ST18: variants seen among roughly 807,000 people sequenced by gnomAD.
ST18 encodes the protein ST18 C2H2C-type zinc finger transcription factor, also known as suppression of tumorigenicity 18 protein.
In ST18, 50 loss-of-function variants were observed where a neutral mutation model predicts 110.0. The ratio of observed to expected loss-of-function variants is 0.45; its 90% CI spans 0.36 to 0.58. The LOEUF (loss-of-function observed/expected upper bound fraction) is 0.58. Among genes scored for constraint, ST18 ranks in the 20% least tolerant of loss-of-function variants. The pLI is 0.00. For missense variants in ST18, 1,306 were observed against 1,280.1 expected (o/e 1.02, Z -0.31); for synonymous variants, 461 against 452.4 (o/e 1.02, Z -0.24).
chr8:52,238,627 G>A (rs2093017250), intron 2 of ST18, among the ~76,000 whole-genome samples: 1 of 151,968 alleles, frequency 6.6e-6, no homozygotes, highest in African/African-American at 2.4e-5. Flanking sequence ...AGAAAATGTG[G>A]TATACACACA....
At chr8:52,178,740 A>G (rs2068113364) in intron 9 of ST18, among the ~76,000 whole-genome samples, 1 of 151,942 alleles carries the variant, frequency 6.6e-6, no homozygotes, top group African/African-American at 2.4e-5. Context: ...AACAAAAAAA[A>G]GTCAAGGGTG....
At chr8:52,121,016 G>A (rs938511205) in intron 23 of ST18, among the ~76,000 whole-genome samples, 1 of 152,182 alleles carries the variant, frequency 6.6e-6, no homozygotes, top group Non-Finnish European at 1.5e-5. Flanking sequence ...CTGTCTCTGT[G>A]ATGAGGCAGA....
At chr8:52,263,322 A>C (rs746776920) in intron 2 of ST18, among the ~76,000 whole-genome samples, 1 of 152,186 alleles carries the variant, frequency 6.6e-6, no homozygotes, top group Non-Finnish European at 1.5e-5. Flanking sequence ...AGCTACCTAC[A>C]TAATCCCAAA....
At chr8:52,140,554 T>C (rs923195916) in intron 17 of ST18, among the ~76,000 whole-genome samples, 7 of 93,806 alleles carry the variant, frequency 7.5e-5, no homozygotes, top group African/African-American at 1.2e-4. Context: ...AGATGATAGA[T>C]AGATAGATAG....
At chr8:52,278,488 A>G (rs1374656464) in intron 2 of ST18, among the ~76,000 whole-genome samples, 1 of 152,196 alleles carries the variant, frequency 6.6e-6, no homozygotes, top group Non-Finnish European at 1.5e-5. Context: ...TCACTCTGCA[A>G]AGAGAATGGA....
intron 10 of ST18, among the ~76,000 whole-genome samples, chr8:52,170,304 A>C (rs1156611028): frequency 1.3e-5 from 2 of 152,156 alleles, no homozygotes; most frequent in African/African-American, 4.8e-5. Flanking sequence ...GAAAATACAA[A>C]AATTAGCTGG....
chr8:52,266,201 A>G (rs768001422), intron 2 of ST18, among the ~76,000 whole-genome samples: 7 of 152,238 alleles, frequency 4.6e-5, no homozygotes, highest in Non-Finnish European at 1.0e-4. Flanking sequence ...TTTTAAGGAT[A>G]AAATGCAATG....
intron 2 of ST18, among the ~76,000 whole-genome samples, chr8:52,333,807 C>T (rs910606826): frequency 3.9e-5 from 6 of 152,156 alleles, no homozygotes; most frequent in African/African-American, 9.7e-5. Flanking sequence ...AACTGGGCCA[C>T]GCCAAATAGA....
chr8:52,318,799 C>T (rs77917528), intron 2 of ST18, among the ~76,000 whole-genome samples: 4,617 of 152,070 alleles, frequency 0.03, 119 homozygotes, highest in East Asian at 0.061. Flanking sequence ...ATGGATTATC[C>T]TTAGCAAACT....
chr8:52,137,541 C>A (rs1429020312), intron 17 of ST18, 58 bp from the exon 18 acceptor site: 5 of 1,574,224 alleles, frequency 3.2e-6, no homozygotes, highest in Non-Finnish European at 3.5e-6. Context: ...TTCATTTCCT[C>A]TGCCCAGTAG....
chr8:52,318,887 T>C (rs537658432), intron 2 of ST18, among the ~76,000 whole-genome samples: 143 of 103,654 alleles, frequency 1.4e-3, no homozygotes, highest in South Asian at 9.9e-3. Flanking sequence ...CATGGACACA[T>C]GGGGGGGTGG....
chr8:52,112,966 C>T lies in ST18; in HGVS notation c.*232G>A, dbSNP rs1033151760. 4 of 346,550 alleles carry T rather than the reference C, an allele frequency of 1.2e-5. No individual in the cohort carries two copies. Among genetic ancestry groups the T allele is most frequent in the Non-Finnish European group, 2.0e-5 (4 of 196,998 alleles). 21.5% of individuals were successfully genotyped at this position (346,550 alleles called of 1,614,324 possible). On this transcript the variant is annotated 3_prime_UTR_variant, in exon 26 of 26. Coordinates refer to ENST00000689386, the MANE Select transcript of ST18 (RefSeq NM_001352837.2). ...GTACAATGAAGAAATAAAAGAAAAA[C>T]ATATGAAAATAAATAAGATCTAATA...
chr8:52,204,035 T>C (rs1467192948), intron 8 of ST18, among the ~76,000 whole-genome samples: 1 of 152,190 alleles, frequency 6.6e-6, no homozygotes, highest in African/African-American at 2.4e-5. Context: ...CCTTAAACTC[T>C]CATTTCTGAT....
intron 11 of ST18, among the ~76,000 whole-genome samples, chr8:52,165,923 G>A (rs1273780576): frequency 2.6e-5 from 4 of 152,240 alleles, no homozygotes; most frequent in African/African-American, 9.6e-5. Context: ...CAATGTAGAA[G>A]GTGGCAGCCC....
intron 14 of ST18, 38 bp downstream of exon 14, chr8:52,161,337 A>G: frequency 6.3e-7 from 1 of 1,597,016 alleles, no homozygotes; most frequent in Non-Finnish European, 8.5e-7. Flanking sequence ...ATACACAAGA[A>G]GCATTTTGGG....
chr8:52,332,635 G>A (rs141004907), intron 2 of ST18, among the ~76,000 whole-genome samples: 39 of 149,256 alleles, frequency 2.6e-4, no homozygotes, highest in African/African-American at 6.2e-4. Context: ...GGGGGATCAC[G>A]AGGTCAGGAA....
At chr8:52,324,269 G>A (rs1805276103) in intron 2 of ST18, among the ~76,000 whole-genome samples, 1 of 152,120 alleles carries the variant, frequency 6.6e-6, no homozygotes, top group African/African-American at 2.4e-5. Context: ...AATAAGAAAA[G>A]TCTCACTAGC....
At chr8:52,390,537 A>G (rs1223165836) in intron 2 of ST18, among the ~76,000 whole-genome samples, 1 of 152,230 alleles carries the variant, frequency 6.6e-6, no homozygotes, top group Non-Finnish European at 1.5e-5. Flanking sequence ...AGTTGTAGAA[A>G]TATGTCCGAT....
intron 2 of ST18, among the ~76,000 whole-genome samples, chr8:52,395,751 G>A (rs1055734610): frequency 2.2e-4 from 33 of 152,254 alleles, no homozygotes; most frequent in Middle Eastern, 6.8e-3. Flanking sequence ...GAGCATGCCT[G>A]GAAAAGCAGT....
Sources: gnomAD v4.1 joint callset for allele counts (sites outside exome capture counted in the v4.1 genomes callset) on GRCh38, gnomAD v4.1.1 for gene constraint, MANE v1.5 for transcripts, NCBI Gene and HGNC (gene_info 2026-07-23, HGNC 2026-07-21) for gene names.